PLXNA4: variants seen among roughly 807,000 people sequenced by gnomAD.
PLXNA4 encodes the protein plexin-A4.
In PLXNA4, 44 loss-of-function variants were observed where a neutral mutation model predicts 191.8. The ratio of observed to expected loss-of-function variants is 0.23; its 90% confidence interval spans 0.18 to 0.29. The LOEUF (loss-of-function observed/expected upper bound fraction) is 0.29. Among genes scored for constraint, PLXNA4 ranks in the 10% least tolerant of loss-of-function variants. PLXNA4 has a pLI of 1.00. For synonymous variants in PLXNA4, 1,082 were observed against 1,009.5 expected (o/e 1.07, Z -1.36); for missense variants, 1,800 against 2,488.8 (o/e 0.72, Z 5.89).
intron 2 of PLXNA4, among the ~76,000 whole-genome samples, chr7:132,636,483 C>A (rs1000330238): frequency 6.6e-6 from 1 of 152,280 alleles, no homozygotes; most frequent in East Asian, 1.9e-4. Context: ...AGAGCCCCCC[C>A]AGGAGTGATT....
At chr7:132,179,327 GCACA>G (rs1796619323) in intron 20 of PLXNA4, among the ~76,000 whole-genome samples, 1 of 122,372 alleles carries the variant, frequency 8.2e-6, no homozygotes, top group South Asian at 2.3e-4. Context: ...ACATGCACAC[GCACA>G]CACAGAGCCT....
chr7:132,203,324 T>G lies in PLXNA4; in HGVS notation c.2394A>C (p.Lys798Asn), dbSNP rs1288219162. ...TGCTAGGCCCCAGCCCTTCCACACC[T>G]TTATTCTGAGCTGGGTTGTCAATGT... is the stretch of plus-strand genomic sequence containing the variant. ...HFNIDNPAQNKVHLYKCGAMR... is the reference protein window; with the variant it reads ...HFNIDNPAQNNVHLYKCGAMR... Residue 798 changes from lysine to asparagine, a missense_variant and splice_region_variant, in exon 11 of 32, where the codon AAA (lysine) becomes AAC (asparagine). Around this residue, in one of 6 missense-constraint regions of PLXNA4, gnomAD observed 1,397 missense variants for 1,880.4 expected, o/e 0.74. Coordinates refer to ENST00000321063, the MANE Select transcript of PLXNA4 (RefSeq NM_020911.2). 5 of 1,586,382 alleles carry G rather than the reference T, an allele frequency of 3.2e-6. No homozygotes were observed. Among genetic ancestry groups the G allele is most frequent in the East Asian group, 2.3e-5 (1 of 44,042 alleles).
chr7:132,627,409 C>G (rs1439798727), intron 2 of PLXNA4, among the ~76,000 whole-genome samples: 3 of 152,146 alleles, frequency 2.0e-5, no homozygotes, highest in Non-Finnish European at 4.4e-5. Context: ...ACATTATTCA[C>G]AGCTGATCCA....
intron 30 of PLXNA4, among the ~76,000 whole-genome samples, chr7:132,137,031 T>C (rs865884227): frequency 1.1e-4 from 17 of 152,160 alleles, no homozygotes; most frequent in African/African-American, 4.1e-4. Context: ...TCAAGTTCAA[T>C]GCATTTCAAG....
At chr7:132,189,971 C>T (rs1797036225) in intron 14 of PLXNA4, among the ~76,000 whole-genome samples, 1 of 152,214 alleles carries the variant, frequency 6.6e-6, no homozygotes, top group African/African-American at 2.4e-5. Context: ...TCAAAGATGT[C>T]CCTTAAGTAG....
chr7:132,159,351 C>A (rs1795882442), intron 25 of PLXNA4, 122 bp downstream of exon 25: 1 of 1,478,578 alleles, frequency 6.8e-7, no homozygotes, highest in Admixed American at 2.0e-5. Flanking sequence ...ATGCCTGACT[C>A]CCTCCAGCCA....
intron 3 of PLXNA4, chr7:132,485,107 G>T: frequency 6.5e-7 from 1 of 1,540,384 alleles, no homozygotes. Context: ...CAATAAGAAT[G>T]GTTTTTGTAC....
At chr7:132,139,993 A>G (rs1795218938) in intron 30 of PLXNA4, among the ~76,000 whole-genome samples, 1 of 152,238 alleles carries the variant, frequency 6.6e-6, no homozygotes, top group Non-Finnish European at 1.5e-5. Flanking sequence ...TGCCCTAGGA[A>G]GAGCCCAGCC....
At chr7:132,625,594 A>G (rs1156582719) in intron 2 of PLXNA4, among the ~76,000 whole-genome samples, 1 of 152,168 alleles carries the variant, frequency 6.6e-6, no homozygotes. Flanking sequence ...AGGCAGTTAC[A>G]GGCCTGAGAT....
At chr7:132,328,617 G>T (rs759271767) in intron 3 of PLXNA4, among the ~76,000 whole-genome samples, 5 of 152,216 alleles carry the variant, frequency 3.3e-5, no homozygotes, top group Non-Finnish European at 7.3e-5. Context: ...GAGAAATAAA[G>T]GGTAATCACT....
intron 3 of PLXNA4, among the ~76,000 whole-genome samples, chr7:132,337,184 C>T (rs746835544): frequency 6.6e-6 from 1 of 152,210 alleles, no homozygotes; most frequent in African/African-American, 2.4e-5. Flanking sequence ...ATAATTTCTC[C>T]CCCATAAAGG....
intron 3 of PLXNA4, among the ~76,000 whole-genome samples, chr7:132,440,445 C>A (rs141699846): frequency 9.8e-5 from 15 of 152,300 alleles, no homozygotes; most frequent in African/African-American, 3.6e-4. Context: ...CTTTAAAGAG[C>A]CTGACAGGTA....
At chr7:132,495,637 A>G (rs774779105) in intron 2 of PLXNA4, among the ~76,000 whole-genome samples, 3 of 152,178 alleles carry the variant, frequency 2.0e-5, no homozygotes, top group African/African-American at 7.2e-5. Context: ...CCCATCTGGG[A>G]GAAAACCAGC....
chr7:132,447,233 ATCCCCT>A (rs1201464710), intron 3 of PLXNA4, among the ~76,000 whole-genome samples: 4 of 152,112 alleles, frequency 2.6e-5, no homozygotes, highest in African/African-American at 4.8e-5. Flanking sequence ...ATTGGACCTC[ATCCCCT>A]ACTTCCTGCT....
intron 23 of PLXNA4, 140 bp downstream of exon 23, chr7:132,164,994 G>C (rs1451733935): frequency 2.3e-6 from 3 of 1,302,220 alleles, no homozygotes; most frequent in Non-Finnish European, 3.1e-6. Context: ...GACAGTCCAT[G>C]ATAAGGATGA....
intron 21 of PLXNA4, among the ~76,000 whole-genome samples, chr7:132,173,472 G>A (rs1796355224): frequency 6.6e-6 from 1 of 152,208 alleles, no homozygotes; most frequent in Non-Finnish European, 1.5e-5. Flanking sequence ...TTATGAAAGT[G>A]TCTCTTGGTA....
chr7:132,210,860 A>G, intron 10 of PLXNA4, 83 bp downstream of exon 10: 1 of 1,464,830 alleles, frequency 6.8e-7, no homozygotes, highest in Non-Finnish European at 9.4e-7. Context: ...TGCAGGGCTG[A>G]GCTGATTTGG....
At chr7:132,550,745 A>G (rs1200992656) in intron 1 of PLXNA4, among the ~76,000 whole-genome samples, 1 of 152,090 alleles carries the variant, frequency 6.6e-6, no homozygotes, top group Non-Finnish European at 1.5e-5. Context: ...GATGACCCTA[A>G]TAGTCCTCCT....
At chr7:132,258,763 T>C (rs1799520489) in intron 4 of PLXNA4, among the ~76,000 whole-genome samples, 1 of 152,162 alleles carries the variant, frequency 6.6e-6, no homozygotes, top group African/African-American at 2.4e-5. Flanking sequence ...AAAGCGTAGG[T>C]TGGCTGCACT....
Sources: allele counts gnomAD v4.1 joint callset (sites outside exome capture counted in the v4.1 genomes callset), GRCh38; gene constraint gnomAD v4.1.1; regional missense constraint gnomAD v4.1.1; transcripts MANE v1.5; gene names NCBI Gene and HGNC (gene_info 2026-07-23, HGNC 2026-07-21).